TACR1: variants seen among roughly 807,000 people sequenced by gnomAD.
TACR1 encodes the protein tachykinin receptor 1.
TACR1 carries 25 observed loss-of-function variants against 35.8 expected under a neutral mutation model. The ratio of observed to expected loss-of-function variants is 0.70; its 90% confidence interval spans 0.51 to 0.98. The LOEUF is 0.98. Ranked by LOEUF, TACR1 falls within the 50% of genes least tolerant of loss-of-function variation. The pLI is 0.00. For synonymous variants in TACR1, 195 were observed against 206.7 expected (o/e 0.94, Z 0.48); for missense variants, 478 against 522.9 (o/e 0.91, Z 0.84).
chr2:75,091,588 A>G lies in TACR1; in HGVS notation c.584+28986T>C, dbSNP rs118157286. Among the ~76,000 whole-genome samples the G allele has an allele frequency of 5.6e-3, 850 of 152,286 alleles. 43 individuals are homozygous for G. The East Asian group carries it at 0.095, about 17-fold the overall frequency. ...TTGCTTAAGTGAGTCTGTTATTGCA[A>G]CAGGGCTGGGATTCTACCCTGAGTC... On this transcript the variant is annotated intron_variant, in intron 2 of 4. Transcript: ENST00000305249.
intron 2 of TACR1, among the ~76,000 whole-genome samples, chr2:75,062,148 G>A (rs1204839425): frequency 6.6e-6 from 1 of 151,870 alleles, no homozygotes; most frequent in Non-Finnish European, 1.5e-5. Flanking sequence ...TCAGAAATTG[G>A]CCCAGCATCT....
At chr2:75,121,505 C>T (rs538606166) in intron 1 of TACR1, among the ~76,000 whole-genome samples, 74 of 152,306 alleles carry the variant, frequency 4.9e-4, no homozygotes, top group African/African-American at 1.6e-3. Context: ...ATTCCTCCAT[C>T]GCTTCATTCC....
intron 2 of TACR1, among the ~76,000 whole-genome samples, chr2:75,107,697 T>C (rs1346891627): frequency 6.6e-6 from 1 of 152,020 alleles, no homozygotes; most frequent in East Asian, 1.9e-4. Context: ...GCACTATATA[T>C]CAGCATTTAT....
intron 1 of TACR1, among the ~76,000 whole-genome samples, chr2:75,121,941 T>G (rs970508222): frequency 1.3e-5 from 2 of 152,206 alleles, no homozygotes; most frequent in Non-Finnish European, 2.9e-5. Flanking sequence ...ATTCTTTTAC[T>G]GTATTCTTTG....
chr2:75,168,971 T>G (rs1344155412), intron 1 of TACR1, among the ~76,000 whole-genome samples: 3 of 152,160 alleles, frequency 2.0e-5, no homozygotes, highest in African/African-American at 7.2e-5. Context: ...CAAAGAAATA[T>G]TAGGTAAAAT....
chr2:75,084,904 G>T (rs926369058), intron 2 of TACR1, among the ~76,000 whole-genome samples: 1 of 152,090 alleles, frequency 6.6e-6, no homozygotes, highest in Non-Finnish European at 1.5e-5. Context: ...ATTATTTGAA[G>T]ATTTTTTTAT....
chr2:75,157,056 G>C (rs1323811035), intron 1 of TACR1, among the ~76,000 whole-genome samples: 1 of 152,150 alleles, frequency 6.6e-6, no homozygotes, highest in African/African-American at 2.4e-5. Context: ...ATGCATTCCA[G>C]CTGCTGACCT....
intron 2 of TACR1, among the ~76,000 whole-genome samples, chr2:75,085,909 A>T (rs1419501461): frequency 1.3e-5 from 2 of 152,186 alleles, no homozygotes; most frequent in Non-Finnish European, 2.9e-5. Context: ...ACTAGTATGC[A>T]CCAGTATTTT....
At chr2:75,177,380 C>A (rs1164138467) in intron 1 of TACR1, among the ~76,000 whole-genome samples, 2 of 152,188 alleles carry the variant, frequency 1.3e-5, no homozygotes, top group African/African-American at 2.4e-5. Context: ...GTCGTCCTCA[C>A]TTCCAATATA....
chr2:75,169,489 C>A (rs1293670461), intron 1 of TACR1, among the ~76,000 whole-genome samples: 2 of 152,306 alleles, frequency 1.3e-5, no homozygotes, highest in South Asian at 4.2e-4. Flanking sequence ...TGCTCAATTA[C>A]TGTCTGACAT....
chr2:75,128,582 A>G (rs1439689437), intron 1 of TACR1, among the ~76,000 whole-genome samples: 67 of 152,178 alleles, frequency 4.4e-4, no homozygotes, highest in Admixed American at 4.4e-3. Flanking sequence ...GCCATTCACA[A>G]TAAAATGCTA....
chr2:75,178,389 T>G (rs1225510702), intron 1 of TACR1, among the ~76,000 whole-genome samples: 3 of 152,136 alleles, frequency 2.0e-5, no homozygotes, highest in Admixed American at 2.0e-4. Context: ...TTCACCATGT[T>G]GGCCAGGCTG....
At chr2:75,100,222 G>A (rs1055785129) in intron 2 of TACR1, among the ~76,000 whole-genome samples, 2 of 152,188 alleles carry the variant, frequency 1.3e-5, no homozygotes, top group African/African-American at 4.8e-5. Flanking sequence ...ACTTGCTGGA[G>A]CACTTGGACA....
chr2:75,149,382 G>A (rs1674623123), intron 1 of TACR1, among the ~76,000 whole-genome samples: 1 of 152,186 alleles, frequency 6.6e-6, no homozygotes, highest in South Asian at 2.1e-4. Context: ...AGGATGGGAT[G>A]TTTTTCCATT....
chr2:75,148,490 CAT>C (rs1183408681), intron 1 of TACR1, among the ~76,000 whole-genome samples: 16 of 152,314 alleles, frequency 1.1e-4, no homozygotes, highest in African/African-American at 3.6e-4. Context: ...AGCTGTTTTT[CAT>C]ATGTTTGTTG....
In TACR1 at chr2:75,046,760, G is replaced by A. The variant is rs1697931149; in HGVS notation, c.*2672C>T. The stretch of plus-strand genomic sequence containing the variant: ...ACTGTGAGTTCATGATATACATCAG[G>A]GCTCCTCCCTGAGAAAGCATGAGGA... On this transcript the variant is annotated 3_prime_UTR_variant, in exon 5 of 5. Coordinates refer to ENST00000305249, the MANE Select transcript of TACR1 (RefSeq NM_001058.4). 1 of 152,172 alleles carries A rather than the reference G, an allele frequency of 6.6e-6. No homozygotes were observed. The highest frequency in any genetic ancestry group is 2.1e-4 in the South Asian group (1 of 4,830). The allele number at this position is 152,172 out of a possible 1,614,324, so 9.4% of individuals were successfully genotyped here.
intron 1 of TACR1, among the ~76,000 whole-genome samples, chr2:75,148,807 C>T (rs761691376): frequency 1.3e-5 from 2 of 152,090 alleles, no homozygotes; most frequent in African/African-American, 2.4e-5. Context: ...ATGCCTATGT[C>T]CTGAATGATA....
intron 1 of TACR1, among the ~76,000 whole-genome samples, chr2:75,176,673 C>A (rs1675427743): frequency 6.6e-6 from 1 of 152,098 alleles, no homozygotes; most frequent in African/African-American, 2.4e-5. Context: ...AAGTACTCCC[C>A]ACAAGGCCTC....
chr2:75,116,745 C>A (rs1351386451), intron 2 of TACR1, among the ~76,000 whole-genome samples: 1 of 152,044 alleles, frequency 6.6e-6, no homozygotes, highest in Non-Finnish European at 1.5e-5. Context: ...CCTGTCTCTA[C>A]TAAAAATACA....
Sources: gnomAD v4.1 joint callset for allele counts (sites outside exome capture counted in the v4.1 genomes callset) on GRCh38, gnomAD v4.1.1 for gene constraint, MANE v1.5 for transcripts, NCBI Gene and HGNC (gene_info 2026-07-23, HGNC 2026-07-21) for gene names.